The following TMEM37 variants were observed in gnomAD, a reference collection of about 807,000 sequenced individuals.
TMEM37 encodes the protein transmembrane protein 37.
A neutral mutation model predicts 11.0 loss-of-function variants in TMEM37; 12 were observed. The ratio of observed to expected loss-of-function variants is 1.09; its 90% CI spans 0.70 to 1.76. The LOEUF is 1.76. TMEM37 is among the 40% of genes most tolerant of loss of function. The probability of loss-of-function intolerance (pLI) is 0.00; values close to 1 mark genes in which losing one functional copy is unlikely to be tolerated. For missense variants in TMEM37, 203 were observed against 251.2 expected (o/e 0.81, Z 1.30); for synonymous variants, 127 against 110.5 (o/e 1.15, Z -0.94).
chr2:119,438,359 G>A lies in TMEM37; in HGVS notation c.*919G>A, dbSNP rs909092142. On this transcript the variant is annotated 3_prime_UTR_variant, in exon 2 of 2. Transcript: ENST00000306406. ...TCTAGACCTGCTGGACTCTGCAGGG[G>A]GTGAGGGGGAACAGCGAGAGCTTGG... 5 of 152,266 alleles carry A rather than the reference G, an allele frequency of 3.3e-5. No individual in the cohort carries two copies. Among genetic ancestry groups the A allele is most frequent in the Admixed American group, 2.6e-4 (4 of 15,284 alleles). The allele number at this position is 152,266 out of a possible 1,614,324, so 9.4% of individuals were successfully genotyped here.
In TMEM37 at chr2:119,436,923, G is replaced by C. The variant is rs150522680; in HGVS notation, c.56G>C (p.Arg19Pro). 6.8e-5 allele frequency: 110 copies of C among 1,614,004 alleles called. No individual in the cohort carries two copies. The highest frequency in any genetic ancestry group is 8.7e-5 in the Non-Finnish European group (103 of 1,180,026). Residue 19 changes from arginine to proline, a missense_variant, in exon 2 of 2, where the codon CGG (arginine) becomes CCG (proline). Physicochemically the swap from Arg to Pro is moderately radical, Grantham distance 103 (BLOSUM62 -2). Coordinates refer to ENST00000306406, the MANE Select transcript of TMEM37 (RefSeq NM_183240.3). ...CCTTTGGGCCAAAGGCAGCCCCGCC[G>C]GTCCTTCTTTGAATCCTTCATCCGG... ...QRPLGQRQPRRSFFESFIRTL... is the reference protein window; with the variant it reads ...QRPLGQRQPRPSFFESFIRTL...
At chr2:119,431,834 G>A (rs924798973), upstream of TMEM37, 65 of 1,221,562 alleles carry the variant, frequency 5.3e-5, no homozygotes, top group Non-Finnish European at 6.4e-5. Context: ...GAGAAGTCCC[G>A]GGCTGGCGCC....
chr2:119,434,732 G>A (rs1454990277), intron 1 of TMEM37, among the ~76,000 whole-genome samples: 2 of 152,190 alleles, frequency 1.3e-5, no homozygotes, highest in African/African-American at 4.8e-5. Context: ...CATGGCCCTT[G>A]AGGCATCCCT....
At chr2:119,434,939 C>A (rs1682470025) in intron 1 of TMEM37, among the ~76,000 whole-genome samples, 1 of 152,184 alleles carries the variant, frequency 6.6e-6, no homozygotes, top group African/African-American at 2.4e-5. Context: ...AAGGCCCTGT[C>A]CTTAGAAGGC....
At chr2:119,431,422 CAG>C (rs984867758), upstream of TMEM37, among the ~76,000 whole-genome samples, 1 of 152,218 alleles carries the variant, frequency 6.6e-6, no homozygotes, top group African/African-American at 2.4e-5. Context: ...GGTCACACCG[CAG>C]AGTGAGGGCA....
chr2:119,437,212 C>G lies in TMEM37; in HGVS notation c.345C>G (p.Cys115Trp). 1.2e-6 allele frequency: 2 copies of G among 1,614,222 alleles called. No individual in the cohort carries two copies. Among genetic ancestry groups the G allele is most frequent in the Non-Finnish European group, 1.7e-6 (2 of 1,180,044 alleles). Residue 115 changes from cysteine (C) to tryptophan (W), a missense_variant, in exon 2 of 2, where the codon TGC (cysteine) becomes TGG (tryptophan). By Grantham distance (215) the Cys-to-Trp change is radical. Coordinates refer to ENST00000306406, the MANE Select transcript of TMEM37 (RefSeq NM_183240.3). Reference sequence around the variant, plus strand: ...AGTTCCTCATGGTGTCCCAGTTGTGCGAGGACAAACACTCACAGTGCAAGT... The same window carrying G: ...AGTTCCTCATGGTGTCCCAGTTGTGGGAGGACAAACACTCACAGTGCAAGT... ...GLEFLMVSQLCEDKHSQCKWV... is the reference protein window; with the variant it reads ...GLEFLMVSQLWEDKHSQCKWV...
chr2:119,437,530 G>A lies in TMEM37; in HGVS notation c.*90G>A. ...ACTTTTCCAGCATGTGGCCTCTGGT[G>A]GGGCTGGGTTGGACAAGGGCCTTGA... On this transcript the variant is annotated 3_prime_UTR_variant, in exon 2 of 2. Transcript: ENST00000306406. 2 of 1,499,176 alleles carry A rather than the reference G, an allele frequency of 1.3e-6. No individual in the cohort carries two copies. The highest frequency in any genetic ancestry group is 2.3e-5 in the East Asian group (1 of 44,174). The allele number at this position is 1,499,176 out of a possible 1,614,324, so 92.9% of individuals were successfully genotyped here.
In TMEM37 at chr2:119,436,882, T is replaced by C. The variant is rs1292561308; in HGVS notation, c.22-7T>C. 1.9e-6 allele frequency: 3 copies of C among 1,607,170 alleles called. No homozygotes were observed. In the African/African-American group the frequency reaches 4.0e-5, roughly 22 times the overall value. On this transcript the variant is annotated splice_region_variant and splice_polypyrimidine_tract_variant and intron_variant, in intron 1 of 1. Transcript: ENST00000306406. Reference sequence around the variant, plus strand: ...GCTGACAGGGTGCTTCCTACGGTTTTTTCCAGGCCCAGAGGCCTTTGGGCC... The same window carrying C: ...GCTGACAGGGTGCTTCCTACGGTTTCTTCCAGGCCCAGAGGCCTTTGGGCC...
chr2:119,433,997 G>A (rs2104736902), intron 1 of TMEM37, among the ~76,000 whole-genome samples: 1 of 152,260 alleles, frequency 6.6e-6, no homozygotes, highest in Non-Finnish European at 1.5e-5. Context: ...GAGTTTCAGT[G>A]GTGGCCAGAG....
At chr2:119,435,619 C>T (rs544426748) in intron 1 of TMEM37, among the ~76,000 whole-genome samples, 1 of 152,310 alleles carries the variant, frequency 6.6e-6, no homozygotes, top group South Asian at 2.1e-4. Flanking sequence ...ACTGAATGCC[C>T]AGGTATTGGG....
intron 1 of TMEM37, among the ~76,000 whole-genome samples, chr2:119,434,305 C>G (rs1409812007): frequency 6.6e-6 from 1 of 152,120 alleles, no homozygotes; most frequent in African/African-American, 2.4e-5. Context: ...TTCATGGCTA[C>G]GACTTTCCTG....
chr2:119,436,952 C>A lies in TMEM37; in HGVS notation c.85C>A (p.Leu29Ile). The change falls in exon 2 of 2, where the codon CTC (leucine) becomes ATC (isoleucine). Residue 29 changes from leucine (L) to isoleucine (I), a missense_variant. Physicochemically the swap from Leu to Ile is conservative, Grantham distance 5 (BLOSUM62 2). Coordinates refer to ENST00000306406, the MANE Select transcript of TMEM37 (RefSeq NM_183240.3). The part of the protein sequence containing the change: ...RSFFESFIRT[L>I]IITCVALAVV... ...CTTCTTTGAATCCTTCATCCGGACCCTCATCATCACGTGTGTGGCCCTGGC... is the reference window on the plus strand; with the variant it reads ...CTTCTTTGAATCCTTCATCCGGACCATCATCATCACGTGTGTGGCCCTGGC... 1 of 1,614,250 alleles carries A rather than the reference C, an allele frequency of 6.2e-7. No individual in the cohort carries two copies. The highest frequency in any genetic ancestry group is 1.6e-4 in the Middle Eastern group (1 of 6,062).
chr2:119,437,571 G>A lies in TMEM37; in HGVS notation c.*131G>A, dbSNP rs1682528134. Reference sequence around the variant, plus strand: ...AGGGCCTTGAAACGGCTGCCTGTTTGCCGATAACTTGTGGGTGGTCAGCCA... The same window carrying A: ...AGGGCCTTGAAACGGCTGCCTGTTTACCGATAACTTGTGGGTGGTCAGCCA... On this transcript the variant is annotated 3_prime_UTR_variant, in exon 2 of 2. Transcript: ENST00000306406. The A allele has an allele frequency of 3.2e-6, 4 of 1,250,514 alleles. No individual in the cohort carries two copies. The highest frequency in any genetic ancestry group is 2.5e-5 in the Admixed American group (1 of 40,514). The allele number at this position is 1,250,514 out of a possible 1,614,324, so 77.5% of individuals were successfully genotyped here.
In TMEM37 at chr2:119,437,668, T is replaced by A. The variant is rs901736924; in HGVS notation, c.*228T>A. The stretch of plus-strand genomic sequence containing the variant: ...AGGAGGGTGCCTCAGTGCCACCAAC[T>A]GCACAGGCTTAGCCAGATGTTGATT... On this transcript the variant is annotated 3_prime_UTR_variant, in exon 2 of 2. Transcript: ENST00000306406. The A allele has an allele frequency of 1.0e-5, 6 of 591,858 alleles. No individual in the cohort carries two copies. In the Admixed American group the frequency reaches 1.9e-4, roughly 19 times the overall value. 36.7% of individuals were successfully genotyped at this position (591,858 alleles called of 1,614,324 possible). A position where few individuals can be genotyped will look rare whatever the true frequency, so the allele number is the denominator to read the frequency against.
Position 119,431,917 on chromosome 2 carries a change from G to C in TMEM37, c.14G>C (p.Gly5Ala). The change falls in exon 1 of 2, where the codon GGC (glycine) becomes GCC (alanine). Residue 5 changes from glycine (G) to alanine (A), a missense_variant. By Grantham distance (60) the Gly-to-Ala change is moderately conservative. Coordinates refer to ENST00000306406, the MANE Select transcript of TMEM37 (RefSeq NM_183240.3). The stretch of plus-strand genomic sequence containing the variant: ...GCCGGGCGCAGCATGACTGCCGTCG[G>C]CGTGCAGGTAGCCGGCGCCTGGCGG... MTAV[G>A]VQAQRPLGQR... 8.2e-7 allele frequency: 1 copy of C among 1,226,022 alleles called. No individual in the cohort carries two copies. Among genetic ancestry groups the C allele is most frequent in the Non-Finnish European group, 1.0e-6 (1 of 984,256 alleles). 75.9% of individuals were successfully genotyped at this position (1,226,022 alleles called of 1,614,324 possible).
chr2:119,432,060 G>C, intron 1 of TMEM37, 136 bp downstream of exon 1: 1 of 534,120 alleles, frequency 1.9e-6, no homozygotes, highest in Non-Finnish European at 2.8e-6. Flanking sequence ...CCCCGTGCCC[G>C]CCCCCTGTTG....
In TMEM37 at chr2:119,431,857, G is replaced by C. The variant is rs4599130; in HGVS notation, c.-47G>C. On this transcript the variant is annotated 5_prime_UTR_variant, in exon 1 of 2. Coordinates refer to ENST00000306406, the MANE Select transcript of TMEM37 (RefSeq NM_183240.3). The stretch of plus-strand genomic sequence containing the variant: ...CCGGGCTGGCGCCGGCGGCCACAGC[G>C]GAGCAGCTGGAGCGATCGAGGCTGC... 0.84 allele frequency: 1,033,548 copies of C among 1,231,108 alleles called. 434,372 individuals carry two copies. Among genetic ancestry groups the C allele is most frequent in the African/African-American group, 0.9 (57,608 of 63,968 alleles). 76.3% of individuals were successfully genotyped at this position (1,231,108 alleles called of 1,614,324 possible).
chr2:119,434,003 CAG>C (rs1295150658), intron 1 of TMEM37, among the ~76,000 whole-genome samples: 5 of 152,038 alleles, frequency 3.3e-5, no homozygotes, highest in Admixed American at 2.0e-4. Context: ...CAGTGGTGGC[CAG>C]AGAGTTTAAA....
At chr2:119,430,897 A>T (rs1378306346), upstream of TMEM37, among the ~76,000 whole-genome samples, 1 of 152,134 alleles carries the variant, frequency 6.6e-6, no homozygotes, top group Non-Finnish European at 1.5e-5. Flanking sequence ...AGCACTTTGG[A>T]AGGCCGAGAT....
Sources: allele counts gnomAD v4.1 joint callset (sites outside exome capture counted in the v4.1 genomes callset), GRCh38; gene constraint gnomAD v4.1.1; transcripts MANE v1.5; gene names NCBI Gene and HGNC (gene_info 2026-07-23, HGNC 2026-07-21).